The following EPHB1 variants were observed in gnomAD, a reference collection of about 807,000 sequenced individuals.
The protein encoded by EPHB1 is EPH receptor B1, also known as ephrin type-B receptor 1.
EPHB1 carries 30 observed loss-of-function variants against 94.4 expected under a neutral mutation model. The observed-to-expected ratio is 0.32, with a 90% CI of 0.24 to 0.43. EPHB1 has a LOEUF of 0.43. Among genes scored for constraint, EPHB1 ranks in the 20% least tolerant of loss-of-function variants. The pLI is 1.00. For missense variants in EPHB1, 1,055 were observed against 1,308.3 expected, an observed-to-expected ratio of 0.81 and a Z score of 2.99; for synonymous variants, 522 against 489.1, an observed-to-expected ratio of 1.07 and a Z score of -0.89.
intron 12 of EPHB1, among the ~76,000 whole-genome samples, chr3:135,210,334 A>T (rs1439745307): frequency 2.0e-5 from 3 of 152,210 alleles, no homozygotes; most frequent in Non-Finnish European, 4.4e-5. Context: ...AGGATATCAC[A>T]GTAGAGCTGC....
chr3:134,927,476 C>T (rs754104060), intron 2 of EPHB1, among the ~76,000 whole-genome samples: 4 of 152,222 alleles, frequency 2.6e-5, no homozygotes, highest in Non-Finnish European at 4.4e-5. Flanking sequence ...GGAAAACCTT[C>T]CCACTTTTAC....
At chr3:135,222,914 T>A (rs1271991921) in intron 12 of EPHB1, among the ~76,000 whole-genome samples, 1 of 152,232 alleles carries the variant, frequency 6.6e-6, no homozygotes, top group Non-Finnish European at 1.5e-5. Context: ...TTGAATGGTC[T>A]CCTCCAAATG....
At chr3:134,887,803 A>G (rs1402943933) in intron 1 of EPHB1, among the ~76,000 whole-genome samples, 1 of 152,226 alleles carries the variant, frequency 6.6e-6, no homozygotes, top group Admixed American at 6.5e-5. Context: ...CTACATCAAT[A>G]TTAGAGTAAT....
At chr3:134,954,130 G>A (rs1933145989) in intron 3 of EPHB1, among the ~76,000 whole-genome samples, 1 of 152,206 alleles carries the variant, frequency 6.6e-6, no homozygotes, top group African/African-American at 2.4e-5. Flanking sequence ...CTTGGGTCTT[G>A]TGGCCCAGCA....
rs751637784 is a variant in EPHB1 at position 135,061,374 on chromosome 3, C to CCCG, written c.806-45073_806-45071dup. On this transcript the variant is annotated intron_variant, in intron 3 of 15. Coordinates refer to ENST00000398015, the MANE Select transcript of EPHB1 (RefSeq NM_004441.5). ...CTCCCACTTAGGAATGACCACCCCCCCCGACCCAAGTCCCCAAAGTCCATT... is the reference window on the plus strand; with the variant it reads ...CTCCCACTTAGGAATGACCACCCCCCCCGCCGACCCAAGTCCCCAAAGTCCATT... 2.5e-4 allele frequency among the ~76,000 whole-genome samples: 31 copies of CCCG among 126,486 alleles called. 1 individual carries two copies. The highest frequency in any genetic ancestry group is 1.1e-3 in the South Asian group (4 of 3,638). The allele number at this position is 126,486 out of a possible 152,430, so 83.0% of individuals were successfully genotyped here.
chr3:134,869,580 C>G (rs1482514727), intron 1 of EPHB1, among the ~76,000 whole-genome samples: 1 of 152,164 alleles, frequency 6.6e-6, no homozygotes. Flanking sequence ...CCATTCAGCT[C>G]TGGTCATCTG....
At chr3:134,843,837 A>G (rs1025408666) in intron 1 of EPHB1, among the ~76,000 whole-genome samples, 3 of 152,172 alleles carry the variant, frequency 2.0e-5, no homozygotes, top group African/African-American at 7.2e-5. Flanking sequence ...GTTTTTGAGC[A>G]TATTTATAAG....
chr3:135,031,619 T>C (rs1445913237), intron 3 of EPHB1, among the ~76,000 whole-genome samples: 1 of 152,240 alleles, frequency 6.6e-6, no homozygotes, highest in Non-Finnish European at 1.5e-5. Flanking sequence ...TGCAACTATT[T>C]TTCAATGCTT....
chr3:134,800,144 G>A (rs2035910259), intron 1 of EPHB1, among the ~76,000 whole-genome samples: 1 of 152,040 alleles, frequency 6.6e-6, no homozygotes, highest in Non-Finnish European at 1.5e-5. Context: ...TCATCTCCCA[G>A]CTCTGTTGCT....
At chr3:135,224,375 T>C (rs1390704366) in intron 12 of EPHB1, among the ~76,000 whole-genome samples, 5 of 152,230 alleles carry the variant, frequency 3.3e-5, no homozygotes, top group East Asian at 3.8e-4. Context: ...TTCTCATAAT[T>C]AGATTCAGAT....
chr3:134,905,287 C>G (rs186927367), intron 1 of EPHB1, among the ~76,000 whole-genome samples: 16 of 152,226 alleles, frequency 1.1e-4, no homozygotes, highest in African/African-American at 3.1e-4. Flanking sequence ...GAGCCTCTCT[C>G]TGAAGCCGAC....
At chr3:134,924,425 A>C (rs1314098161) in intron 1 of EPHB1, among the ~76,000 whole-genome samples, 1 of 152,252 alleles carries the variant, frequency 6.6e-6, no homozygotes, top group Non-Finnish European at 1.5e-5. Context: ...AAAAAGGAGA[A>C]AAAGATTTGA....
intron 1 of EPHB1, among the ~76,000 whole-genome samples, chr3:134,805,558 C>T (rs963159660): frequency 6.6e-6 from 1 of 152,132 alleles, no homozygotes; most frequent in Non-Finnish European, 1.5e-5. Context: ...TGCCCAGCAG[C>T]ACTTCCTTTC....
intron 1 of EPHB1, among the ~76,000 whole-genome samples, chr3:134,829,298 A>G (rs1578120088): frequency 6.6e-6 from 1 of 151,906 alleles, no homozygotes; most frequent in East Asian, 1.9e-4. Flanking sequence ...CATGTTTTCA[A>G]CCCAAATCAT....
At chr3:135,121,400 A>G (rs1210779079) in intron 4 of EPHB1, among the ~76,000 whole-genome samples, 2 of 152,254 alleles carry the variant, frequency 1.3e-5, no homozygotes, top group Non-Finnish European at 2.9e-5. Flanking sequence ...GCCTGAGTGC[A>G]TCAATTAGAA....
intron 3 of EPHB1, among the ~76,000 whole-genome samples, chr3:135,054,306 C>T (rs879911825): frequency 3.3e-5 from 5 of 152,110 alleles, no homozygotes; most frequent in Non-Finnish European, 7.4e-5. Context: ...CCTGGGTCTT[C>T]AGCCTGCCAG....
chr3:135,022,554 A>C (rs146173289), intron 3 of EPHB1, among the ~76,000 whole-genome samples: 3 of 152,150 alleles, frequency 2.0e-5, no homozygotes, highest in Admixed American at 2.0e-4. Flanking sequence ...TGTCCTTATA[A>C]TTGACCTCTT....
At chr3:134,947,598 G>A (rs1241043896) in intron 2 of EPHB1, among the ~76,000 whole-genome samples, 1 of 152,160 alleles carries the variant, frequency 6.6e-6, no homozygotes, top group African/African-American at 2.4e-5. Context: ...GAATCAATTA[G>A]ATCTGTAGAA....
intron 1 of EPHB1, among the ~76,000 whole-genome samples, chr3:134,824,125 CTTTT>C (rs373504139): frequency 1.2e-3 from 124 of 100,768 alleles, no homozygotes; most frequent in African/African-American, 3.8e-3. Context: ...GGATAATGCC[CTTTT>C]TTTTTTTTTT....
Sources: allele counts gnomAD v4.1 joint callset (sites outside exome capture counted in the v4.1 genomes callset), GRCh38; gene constraint gnomAD v4.1.1; transcripts MANE v1.5; gene names NCBI Gene and HGNC (gene_info 2026-07-23, HGNC 2026-07-21).